CACNG2: variants seen among roughly 807,000 people sequenced by gnomAD.
CACNG2 encodes voltage-dependent calcium channel gamma-2 subunit.
In CACNG2, 3 loss-of-function variants were observed where a neutral mutation model predicts 25.9. The ratio of observed to expected loss-of-function variants is 0.12; its 90% confidence interval spans 0.05 to 0.30. CACNG2 has a LOEUF of 0.30. CACNG2 is among the 10% of genes least tolerant of loss of function. CACNG2 has a pLI of 1.00. For synonymous variants in CACNG2, 167 were observed against 173.3 expected (o/e 0.96, Z 0.29); for missense variants, 341 against 432.5 (o/e 0.79, Z 1.88).
At position 36,656,716 on chromosome 22, in the gene CACNG2, T is replaced by C. The variant is rs528041327; in HGVS notation, c.211+45650A>G. Among the ~76,000 whole-genome samples the C allele has an allele frequency of 2.6e-5, 4 of 152,312 alleles. No homozygotes were observed. The South Asian group carries it at 8.3e-4, about 32-fold the overall frequency. On this transcript the variant is annotated intron_variant, in intron 1 of 3. Transcript: ENST00000300105. The stretch of plus-strand genomic sequence containing the variant: ...CTTGGCCTCCTTGCACCTCATCAAA[T>C]GCACCCAGCACGTTCCTGTTACTTT...
intron 2 of CACNG2, among the ~76,000 whole-genome samples, chr22:36,583,433 AAAAAAAAAAG>A (rs1340553547): frequency 1.1e-5 from 1 of 90,372 alleles, no homozygotes; most frequent in African/African-American, 4.5e-5. Context: ...ATTCCGTCTC[AAAAAAAAAAG>A]AAAAAAAAAA....
In CACNG2 at chr22:36,634,230, G is replaced by C. The variant is rs552462217; in HGVS notation, c.212-46682C>G. On this transcript the variant is annotated intron_variant, in intron 1 of 3. Coordinates refer to ENST00000300105, the MANE Select transcript of CACNG2 (RefSeq NM_006078.5). ...GACCACATTTCTCAAGCTTCCTTTT[G>C]GTTAGGTGTGACCACAGGCCTGGGA... Among the ~76,000 whole-genome samples the C allele has an allele frequency of 5.9e-5, 9 of 152,294 alleles. No homozygotes were observed. The South Asian group carries it at 1.9e-3, about 32-fold the overall frequency.
At chr22:36,576,429 G>A (rs1935313564) in intron 2 of CACNG2, among the ~76,000 whole-genome samples, 1 of 152,050 alleles carries the variant, frequency 6.6e-6, no homozygotes, top group South Asian at 2.1e-4. Flanking sequence ...GGTTCATTGT[G>A]TCCTGCTTGG....
chr22:36,562,442 C>T lies in CACNG2; in HGVS notation c.*1909G>A, dbSNP rs142005491. 3.3e-5 allele frequency: 5 copies of T among 150,464 alleles called. No homozygotes were observed. The highest frequency in any genetic ancestry group is 1.3e-4 in the Admixed American group (2 of 15,128). The allele number at this position is 150,464 out of a possible 1,614,324, so 9.3% of individuals were successfully genotyped here. A position where few individuals can be genotyped will look rare whatever the true frequency, so the allele number is the denominator to read the frequency against. Reference sequence around the variant, plus strand: ...CCGGAATCCAGTCCTGGATTCTAGACGGGTGCCCTTCCCATGCATGCGAGT... The same window carrying T: ...CCGGAATCCAGTCCTGGATTCTAGATGGGTGCCCTTCCCATGCATGCGAGT... On this transcript the variant is annotated 3_prime_UTR_variant, in exon 4 of 4. Transcript: ENST00000300105.
At chr22:36,566,766 C>A (rs1935135125) in intron 2 of CACNG2, among the ~76,000 whole-genome samples, 1 of 152,218 alleles carries the variant, frequency 6.6e-6, no homozygotes, top group Non-Finnish European at 1.5e-5. Context: ...TGCCCACTTC[C>A]AGCTCCCACG....
chr22:36,581,307 G>C (rs1460791009), intron 2 of CACNG2, among the ~76,000 whole-genome samples: 2 of 152,134 alleles, frequency 1.3e-5, no homozygotes, highest in Non-Finnish European at 2.9e-5. Flanking sequence ...GGAGAGGCTG[G>C]GGGACTCCTC....
At chr22:36,695,329 A>G (rs1366807886) in intron 1 of CACNG2, among the ~76,000 whole-genome samples, 2 of 152,214 alleles carry the variant, frequency 1.3e-5, no homozygotes, top group Non-Finnish European at 2.9e-5. Context: ...TATAAGTCAC[A>G]GAGACAGAAT....
chr22:36,611,264 T>C (rs1289634503), intron 1 of CACNG2, among the ~76,000 whole-genome samples: 1 of 152,084 alleles, frequency 6.6e-6, no homozygotes, highest in Admixed American at 6.5e-5. Flanking sequence ...GCATTTCTGG[T>C]AGAGGTGATG....
chr22:36,670,851 C>T (rs1936939358), intron 1 of CACNG2, among the ~76,000 whole-genome samples: 1 of 151,822 alleles, frequency 6.6e-6, no homozygotes, highest in Admixed American at 6.6e-5. Flanking sequence ...AACTGAGGCT[C>T]AGAGAATTAA....
chr22:36,697,707 C>T (rs1349621079), intron 1 of CACNG2, among the ~76,000 whole-genome samples: 1 of 152,084 alleles, frequency 6.6e-6, no homozygotes, highest in Non-Finnish European at 1.5e-5. Flanking sequence ...CTGGTTAGAA[C>T]CCAAGCCTGA....
chr22:36,637,388 G>T (rs1412718921), intron 1 of CACNG2, among the ~76,000 whole-genome samples: 1 of 152,158 alleles, frequency 6.6e-6, no homozygotes, highest in Non-Finnish European at 1.5e-5. Flanking sequence ...GCAGGCTGTT[G>T]CAAGCCTTCC....
intron 2 of CACNG2, among the ~76,000 whole-genome samples, chr22:36,570,446 A>G (rs930102944): frequency 1.4e-4 from 22 of 152,300 alleles, no homozygotes; most frequent in African/African-American, 4.8e-4. Context: ...CCTTTCGTGG[A>G]AGAGGCCTCT....
chr22:36,635,057 G>A (rs1487393031), intron 1 of CACNG2, among the ~76,000 whole-genome samples: 3 of 152,166 alleles, frequency 2.0e-5, no homozygotes, highest in East Asian at 1.9e-4. Context: ...GCCGAGGTGG[G>A]TGGATCACGA....
chr22:36,572,892 C>T (rs1232745006), intron 2 of CACNG2, among the ~76,000 whole-genome samples: 3 of 152,088 alleles, frequency 2.0e-5, no homozygotes, highest in African/African-American at 7.2e-5. Flanking sequence ...GGACTGAGTG[C>T]CCACCGCTGT....
intron 1 of CACNG2, among the ~76,000 whole-genome samples, chr22:36,662,664 G>A (rs1222209192): frequency 1.3e-5 from 2 of 152,164 alleles, no homozygotes; most frequent in Non-Finnish European, 2.9e-5. Context: ...TTCTCCTTTA[G>A]CCTGGGCTTA....
chr22:36,593,320 A>G (rs917726315), intron 1 of CACNG2, among the ~76,000 whole-genome samples: 1 of 152,214 alleles, frequency 6.6e-6, no homozygotes, highest in African/African-American at 2.4e-5. Context: ...CGGGAGCAGC[A>G]TTGGAGGCAA....
At chr22:36,567,731 T>A (rs967285288) in intron 2 of CACNG2, among the ~76,000 whole-genome samples, 11 of 152,200 alleles carry the variant, frequency 7.2e-5, no homozygotes, top group African/African-American at 1.4e-4. Flanking sequence ...ATTTTTTTTT[T>A]AATCCAAATT....
At chr22:36,580,453 G>T (rs1935396174) in intron 2 of CACNG2, among the ~76,000 whole-genome samples, 1 of 152,050 alleles carries the variant, frequency 6.6e-6, no homozygotes. Flanking sequence ...GGAGCTGAGT[G>T]GGGGCATCTG....
intron 1 of CACNG2, among the ~76,000 whole-genome samples, chr22:36,593,043 G>C (rs1327710365): frequency 6.6e-6 from 1 of 152,206 alleles, no homozygotes; most frequent in East Asian, 1.9e-4. Context: ...CCTGAGAACA[G>C]AGCTGAGTCC....
Sources: gnomAD v4.1 joint callset for allele counts (sites outside exome capture counted in the v4.1 genomes callset) on GRCh38, gnomAD v4.1.1 for gene constraint, MANE v1.5 for transcripts, NCBI Gene and HGNC (gene_info 2026-07-23, HGNC 2026-07-21) for gene names.